Variants in CDH23 observed in about 807,000 individuals in gnomAD.
The protein encoded by CDH23 is cadherin-23.
In CDH23, 189 loss-of-function variants were observed where a neutral mutation model predicts 317.1. That is an observed-to-expected ratio of 0.60 (90% CI 0.53 to 0.67). CDH23 has a LOEUF of 0.67. Ranked by LOEUF, CDH23 falls within the 30% of genes least tolerant of loss-of-function variation. The probability of loss-of-function intolerance (pLI) is 0.00; values close to 1 mark genes in which losing one functional copy is unlikely to be tolerated. For synonymous variants in CDH23, 1,839 were observed against 1,876.8 expected, an observed-to-expected ratio of 0.98 and a Z score of 0.52; for missense variants, 4,401 against 4,592.4, an observed-to-expected ratio of 0.96 and a Z score of 1.20.
At chr10:71,565,381 A>T (rs1247504804) in intron 6 of CDH23, among the ~76,000 whole-genome samples, 3 of 152,098 alleles carry the variant, frequency 2.0e-5, no homozygotes, top group Non-Finnish European at 2.9e-5. Flanking sequence ...AGAGGAAGTA[A>T]GACCCCAAAC....
intron 6 of CDH23, among the ~76,000 whole-genome samples, chr10:71,554,272 A>G (rs1856761667): frequency 6.6e-6 from 1 of 152,068 alleles, no homozygotes; most frequent in African/African-American, 2.4e-5. Flanking sequence ...GTCACAGCTC[A>G]CTGCAGCCTC....
intron 38 of CDH23, among the ~76,000 whole-genome samples, chr10:71,774,240 G>A (rs1460696793): frequency 7.7e-6 from 1 of 130,336 alleles, no homozygotes; most frequent in Non-Finnish European, 1.7e-5. Context: ...CTGTGCACCC[G>A]CCCTCCCTCC....
intron 3 of CDH23, among the ~76,000 whole-genome samples, chr10:71,482,880 A>G (rs568449005): frequency 6.6e-6 from 1 of 152,358 alleles, no homozygotes; most frequent in African/African-American, 2.4e-5. Flanking sequence ...AGAGGGAGCC[A>G]TCCTGAAGTG....
At chr10:71,520,126 T>C (rs1854583040) in intron 6 of CDH23, among the ~76,000 whole-genome samples, 1 of 152,170 alleles carries the variant, frequency 6.6e-6, no homozygotes, top group South Asian at 2.1e-4. Context: ...ATTACCACTG[T>C]TATGAAAAGC....
intron 12 of CDH23, chr10:71,645,630 T>C (rs929994853): frequency 1.3e-6 from 1 of 757,034 alleles, no homozygotes; most frequent in Non-Finnish European, 2.4e-6. Context: ...CCAGAGGAGG[T>C]TTCCAGAGGG....
At chr10:71,741,957 G>A in intron 38 of CDH23, 36 bp downstream of exon 38, 1 of 1,510,908 alleles carries the variant, frequency 6.6e-7, no homozygotes, top group Non-Finnish European at 9.0e-7. Context: ...AGGAGCGGGT[G>A]GGCCAGGGCA....
chr10:71,785,483 C>T (rs991424406), intron 43 of CDH23, 148 bp from the exon 44 acceptor site: 13 of 633,522 alleles, frequency 2.1e-5, no homozygotes, highest in South Asian at 7.3e-5. Flanking sequence ...ACTCTCGCCC[C>T]GGCGAGACCC....
intron 6 of CDH23, among the ~76,000 whole-genome samples, chr10:71,519,723 C>A (rs758514564): frequency 2.0e-5 from 3 of 152,130 alleles, no homozygotes; most frequent in South Asian, 2.1e-4. Flanking sequence ...GTATGAAGCA[C>A]CACATACATA....
intron 8 of CDH23, among the ~76,000 whole-genome samples, chr10:71,576,618 TA>T: frequency 6.6e-6 from 1 of 152,072 alleles, no homozygotes; most frequent in Non-Finnish European, 1.5e-5. Flanking sequence ...GACATTTCCC[TA>T]GGGGGTGGGG....
chr10:71,700,884 G>T (rs1006163524), intron 22 of CDH23, among the ~76,000 whole-genome samples: 1 of 152,218 alleles, frequency 6.6e-6, no homozygotes, highest in African/African-American at 2.4e-5. Context: ...ACCTCTGGCT[G>T]GGGATTAAGC....
chr10:71,504,815 C>T (rs190804143), intron 3 of CDH23, among the ~76,000 whole-genome samples: 2 of 152,304 alleles, frequency 1.3e-5, no homozygotes, highest in East Asian at 1.9e-4. Flanking sequence ...TTACGGCCAG[C>T]GTTTTTTCTG....
At chr10:71,418,565 G>A (rs1020332840) in intron 1 of CDH23, among the ~76,000 whole-genome samples, 48 of 152,250 alleles carry the variant, frequency 3.2e-4, no homozygotes, top group South Asian at 1.9e-3. Flanking sequence ...CATTCTGCCC[G>A]CTCTTCCATT....
At chr10:71,615,356 A>G (rs1384502504) in intron 9 of CDH23, 148 bp from the exon 10 acceptor site, 2 of 682,742 alleles carry the variant, frequency 2.9e-6, no homozygotes, top group Non-Finnish European at 5.3e-6. Context: ...TCTTTCTATT[A>G]CTCTTGAACC....
intron 9 of CDH23, among the ~76,000 whole-genome samples, chr10:71,600,718 G>A (rs994258972): frequency 9.9e-5 from 15 of 151,838 alleles, no homozygotes; most frequent in African/African-American, 3.4e-4. Context: ...AGATTTCACC[G>A]TGTTAGCCGC....
At chr10:71,609,331 ACAG>A (rs1005659829) in intron 9 of CDH23, among the ~76,000 whole-genome samples, 8 of 151,292 alleles carry the variant, frequency 5.3e-5, no homozygotes, top group African/African-American at 1.5e-4. Flanking sequence ...CACCTAGAAA[ACAG>A]CAGAAGTCCT....
chr10:71,424,997 C>T (rs1023484291), intron 1 of CDH23, among the ~76,000 whole-genome samples: 4 of 152,100 alleles, frequency 2.6e-5, no homozygotes, highest in African/African-American at 9.7e-5. Flanking sequence ...ATTTTGCAGA[C>T]AAGGACGCTG....
chr10:71,571,719 A>G (rs1857823542), intron 8 of CDH23, among the ~76,000 whole-genome samples: 2 of 152,236 alleles, frequency 1.3e-5, no homozygotes, highest in African/African-American at 4.8e-5. Flanking sequence ...GGCAGTCACA[A>G]TCCCTGGTCA....
At position 71,732,349 on chromosome 10, in the gene CDH23, G is replaced by A. The variant is rs2132826229; in HGVS notation, c.4078G>A (p.Ala1360Thr). The change falls in exon 32 of 70, where the codon GCC becomes ACC. Residue 1360 changes from alanine (A) to threonine (T), a missense_variant. Around this residue, in one of 3 missense-constraint regions of CDH23, gnomAD observed 3,068 missense variants for 3,203.3 expected, o/e 0.96. Transcript: ENST00000224721. ...FNAYTSTQAK[A>T]LFKIDAITGV... is the part of the protein sequence containing the mutation. ...CGCCTACACCAGCACCCAGGCCAAA[G>A]CCCTCTTCAAGATAGACGCCATCAC... 6.3e-7 allele frequency: 1 copy of A among 1,575,714 alleles called. No individual in the cohort carries two copies. The highest frequency in any genetic ancestry group is 8.6e-7 in the Non-Finnish European group (1 of 1,160,232).
At chr10:71,671,011 G>A (rs1410219485) in intron 14 of CDH23, among the ~76,000 whole-genome samples, 1 of 149,660 alleles carries the variant, frequency 6.7e-6, no homozygotes, top group Non-Finnish European at 1.5e-5. Flanking sequence ...ACAGGCTGGA[G>A]TGCAGTGGTG....
Sources: allele counts gnomAD v4.1 joint callset (sites outside exome capture counted in the v4.1 genomes callset), GRCh38; gene constraint gnomAD v4.1.1; regional missense constraint gnomAD v4.1.1; transcripts MANE v1.5; gene names NCBI Gene and HGNC (gene_info 2026-07-23, HGNC 2026-07-21).